Variants in SLC25A36 observed in about 807,000 individuals in gnomAD.
SLC25A36 encodes the protein solute carrier family 25 member 36, also known as epididymis secretory sperm binding protein.
In SLC25A36, 24 loss-of-function variants were observed where a neutral mutation model predicts 35.3. The ratio of observed to expected loss-of-function variants is 0.68; its 90% CI spans 0.49 to 0.96. The LOEUF (loss-of-function observed/expected upper bound fraction) is 0.96. Among genes scored for constraint, SLC25A36 ranks in the 40% least tolerant of loss-of-function variants. The probability of loss-of-function intolerance (pLI) is 0.00; values close to 1 mark genes in which losing one functional copy is unlikely to be tolerated. For synonymous variants in SLC25A36, 141 were observed against 132.2 expected, an observed-to-expected ratio of 1.07 and a Z score of -0.46; for missense variants, 294 against 381.1, an observed-to-expected ratio of 0.77 and a Z score of 1.90.
At chr3:140,950,519 A>G (rs1934290679) in intron 1 of SLC25A36, among the ~76,000 whole-genome samples, 1 of 151,862 alleles carries the variant, frequency 6.6e-6, no homozygotes, top group South Asian at 2.1e-4. Context: ...CCCTACCACC[A>G]TCTTCTTTTA....
rs1240636019 is a variant in SLC25A36 at position 140,945,574 on chromosome 3, A to G, written c.41+3479A>G. 2.0e-5 allele frequency among the ~76,000 whole-genome samples: 3 copies of G among 152,186 alleles called. No individual in the cohort carries two copies. In the East Asian group the frequency reaches 5.8e-4, roughly 29 times the overall value. The stretch of plus-strand genomic sequence containing the variant: ...TTCTTGAGACCCTTGTTGTGGTCTG[A>G]GAGTTTAAAACTATTTTCATAAAAA... On this transcript the variant is annotated intron_variant, in intron 1 of 6. Transcript: ENST00000324194.
chr3:140,968,158 G>A, intron 4 of SLC25A36: 1 of 945,560 alleles, frequency 1.1e-6, no homozygotes, highest in Non-Finnish European at 1.3e-6. Context: ...TAGATTATTA[G>A]ATTATATTTA....
At chr3:140,948,053 A>C (rs772022243) in intron 1 of SLC25A36, among the ~76,000 whole-genome samples, 1 of 152,188 alleles carries the variant, frequency 6.6e-6, no homozygotes, top group Non-Finnish European at 1.5e-5. Context: ...TCCTAGGTTC[A>C]AGCAATTCTC....
chr3:140,951,653 TTG>T (rs530126974), intron 1 of SLC25A36, among the ~76,000 whole-genome samples: 4 of 151,270 alleles, frequency 2.6e-5, no homozygotes, highest in Non-Finnish European at 5.9e-5. Flanking sequence ...CTGGCTAATT[TTG>T]TGTGTGTGTG....
chr3:140,945,504 G>A (rs577007579), intron 1 of SLC25A36, among the ~76,000 whole-genome samples: 1 of 152,244 alleles, frequency 6.6e-6, no homozygotes, highest in East Asian at 1.9e-4. Flanking sequence ...CCATTTTTCT[G>A]CAAATGGATT....
intron 3 of SLC25A36, among the ~76,000 whole-genome samples, chr3:140,961,033 T>C (rs1223566049): frequency 6.6e-6 from 1 of 152,236 alleles, no homozygotes; most frequent in Non-Finnish European, 1.5e-5. Flanking sequence ...GATAGAACAC[T>C]GTATAAAGTT....
At chr3:140,955,950 A>C (rs1934468404) in intron 1 of SLC25A36, among the ~76,000 whole-genome samples, 1 of 152,184 alleles carries the variant, frequency 6.6e-6, no homozygotes. Context: ...GTCTCCTCCC[A>C]AAGCTCTGGG....
chr3:140,944,632 T>A (rs78016471), intron 1 of SLC25A36, among the ~76,000 whole-genome samples: 4 of 152,226 alleles, frequency 2.6e-5, no homozygotes, highest in Admixed American at 1.3e-4. Context: ...TCATTTTTTT[T>A]CTATTTGAGG....
intron 1 of SLC25A36, among the ~76,000 whole-genome samples, chr3:140,944,943 T>C (rs984700828): frequency 6.6e-6 from 1 of 152,216 alleles, no homozygotes; most frequent in Non-Finnish European, 1.5e-5. Flanking sequence ...TTATTTCCGC[T>C]TCACTCTGAC....
intron 4 of SLC25A36, among the ~76,000 whole-genome samples, chr3:140,969,906 T>C (rs1934858541): frequency 6.6e-6 from 1 of 151,954 alleles, no homozygotes; most frequent in African/African-American, 2.4e-5. Flanking sequence ...ACAGTTAAGA[T>C]CCTTAAACAT....
Position 140,979,426 on chromosome 3 carries a change from C to T in SLC25A36, c.*2973C>T, listed in dbSNP as rs1261724592. On this transcript the variant is annotated 3_prime_UTR_variant, in exon 7 of 7. Coordinates refer to ENST00000324194, the MANE Select transcript of SLC25A36 (RefSeq NM_001104647.3). The stretch of plus-strand genomic sequence containing the variant: ...GCCTGCCTTTTGTTGTTTACATGCT[C>T]TTCTGCCCAGACTGTTAGTAATCTA... 1 of 152,196 alleles carries T rather than the reference C, an allele frequency of 6.6e-6. No individual in the cohort carries two copies. The highest frequency in any genetic ancestry group is 1.5e-5 in the Non-Finnish European group (1 of 68,018). 9.4% of individuals were successfully genotyped at this position (152,196 alleles called of 1,614,324 possible). A position where few individuals can be genotyped will look rare whatever the true frequency, so the allele number is the denominator to read the frequency against.
At chr3:140,944,722 ATAATT>A (rs1332589471) in intron 1 of SLC25A36, among the ~76,000 whole-genome samples, 5 of 152,182 alleles carry the variant, frequency 3.3e-5, no homozygotes, top group Non-Finnish European at 1.5e-5. Flanking sequence ...CTTATGACAG[ATAATT>A]TAATATATGT....
chr3:140,944,572 T>C (rs1934112579), intron 1 of SLC25A36, among the ~76,000 whole-genome samples: 2 of 152,224 alleles, frequency 1.3e-5, no homozygotes, highest in Admixed American at 1.3e-4. Context: ...ACTGATAGAA[T>C]TGTACATTGT....
Position 140,973,703 on chromosome 3 carries a change from T to C in SLC25A36, c.453-13T>C, listed in dbSNP as rs1211862965. 1 of 1,440,188 alleles carries C rather than the reference T, an allele frequency of 6.9e-7. No homozygotes were observed. Among genetic ancestry groups the C allele is most frequent in the East Asian group, 2.4e-5 (1 of 42,006 alleles). The allele number at this position is 1,440,188 out of a possible 1,614,324, so 89.2% of individuals were successfully genotyped here. On this transcript the variant is annotated splice_polypyrimidine_tract_variant and intron_variant, in intron 5 of 6. Transcript: ENST00000324194. ...AAAAACCTATCAGTAAGATGTTTCT[T>C]TTTGCTTTTCAGGAACCGCGGGGAA...
chr3:140,953,581 A>G (rs181073747), intron 1 of SLC25A36, among the ~76,000 whole-genome samples: 5 of 152,298 alleles, frequency 3.3e-5, no homozygotes, highest in Admixed American at 1.3e-4. Context: ...TATCGTTTAC[A>G]TACAGTAAAA....
At chr3:140,958,312 T>G (rs1934532124) in intron 2 of SLC25A36, among the ~76,000 whole-genome samples, 1 of 152,202 alleles carries the variant, frequency 6.6e-6, no homozygotes, top group Admixed American at 6.5e-5. Context: ...TTTCATAACT[T>G]ACTCCAGGAA....
In SLC25A36 at chr3:140,942,080, A is replaced by G; in HGVS notation, c.26A>G (p.His9Arg). MSQRDTLVHLFAGGCGGTV... is the reference protein window; with the variant it reads MSQRDTLVRLFAGGCGGTV... ...ATGAGCCAGAGGGACACGCTGGTGC[A>G]TCTGTTTGCCGGAGGGTAAGGTCCT... The change falls in exon 1 of 7, where the codon CAT becomes CGT. Residue 9 changes from histidine to arginine, a missense_variant. Around this residue, in one of 2 missense-constraint regions of SLC25A36, gnomAD observed 185 missense variants for 201.5 expected, o/e 0.92. Coordinates refer to ENST00000324194, the MANE Select transcript of SLC25A36 (RefSeq NM_001104647.3). The G allele has an allele frequency of 6.8e-7, 1 of 1,471,480 alleles. No homozygotes were observed. Among genetic ancestry groups the G allele is most frequent in the South Asian group, 1.2e-5 (1 of 80,184 alleles). The allele number at this position is 1,471,480 out of a possible 1,614,324, so 91.2% of individuals were successfully genotyped here.
intron 1 of SLC25A36, 76 bp downstream of exon 1, chr3:140,942,171 G>A: frequency 5.5e-6 from 1 of 181,544 alleles, no homozygotes; most frequent in Non-Finnish European, 1.1e-5. Context: ...GGGCGAGGGG[G>A]GCCGAGGGGG....
At chr3:140,969,760 A>T (rs999771666) in intron 4 of SLC25A36, among the ~76,000 whole-genome samples, 3 of 151,914 alleles carry the variant, frequency 2.0e-5, no homozygotes, top group Non-Finnish European at 4.4e-5. Context: ...ATATTAATTT[A>T]AAAACAAATT....
Sources: allele counts gnomAD v4.1 joint callset (sites outside exome capture counted in the v4.1 genomes callset), GRCh38; gene constraint gnomAD v4.1.1; regional missense constraint gnomAD v4.1.1; transcripts MANE v1.5; gene names NCBI Gene and HGNC (gene_info 2026-07-23, HGNC 2026-07-21).